Variants in UGT2A1 observed in about 807,000 individuals in gnomAD.
UGT2A1 encodes the protein UDP-glucuronosyltransferase 2A1.
Under a neutral mutation model 45.4 loss-of-function variants are expected in UGT2A1, and 61 were observed. The observed-to-expected ratio is 1.34, with a 90% CI of 1.09 to 1.66. UGT2A1 has a LOEUF of 1.66. UGT2A1 is among the 40% of genes most tolerant of loss of function. The pLI is 0.00. For missense variants in UGT2A1, 649 were observed against 574.3 expected, an observed-to-expected ratio of 1.13 and a Z score of -1.33; for synonymous variants, 229 against 196.2, an observed-to-expected ratio of 1.17 and a Z score of -1.40.
At position 69,623,386 on chromosome 4, in the gene UGT2A1, C is replaced by T. The variant is rs906612376; in HGVS notation, c.847+12305G>A. ...CAAGTAATTTTTGTGAGAATCATCT[C>T]GAAGTAACACCACAAAGGCAGTGGA... On this transcript the variant is annotated intron_variant, in intron 3 of 6. Coordinates refer to ENST00000286604, the MANE Select transcript of UGT2A1 (RefSeq NM_001252275.3). Among the ~76,000 whole-genome samples, 29 of 151,522 alleles carry T rather than the reference C, an allele frequency of 1.9e-4. 1 individual carries two copies. Among genetic ancestry groups the T allele is most frequent in the African/African-American group, 5.3e-4 (22 of 41,298 alleles).
At chr4:69,592,429 G>A (rs1288853441) in intron 6 of UGT2A1, among the ~76,000 whole-genome samples, 1 of 152,048 alleles carries the variant, frequency 6.6e-6, no homozygotes, top group African/African-American at 2.4e-5. Context: ...ATTGCATATA[G>A]TCCAAAGAAG....
intron 3 of UGT2A1, among the ~76,000 whole-genome samples, chr4:69,603,086 GAATA>G (rs1426476632): frequency 7.4e-6 from 1 of 134,698 alleles, no homozygotes; most frequent in Non-Finnish European, 1.6e-5. Flanking sequence ...AAAAATAAAT[GAATA>G]AATAAATAAA....
At chr4:69,614,590 C>A (rs1720262889) in intron 3 of UGT2A1, among the ~76,000 whole-genome samples, 1 of 151,856 alleles carries the variant, frequency 6.6e-6, no homozygotes, top group South Asian at 2.1e-4. Context: ...AGCTAGTAGC[C>A]ATAACAGCAT....
intron 3 of UGT2A1, among the ~76,000 whole-genome samples, chr4:69,613,121 G>A (rs1014494419): frequency 2.0e-5 from 3 of 151,732 alleles, no homozygotes; most frequent in Admixed American, 6.6e-5. Flanking sequence ...ACCTGCATAC[G>A]AAAAAATGTG....
In UGT2A1 at chr4:69,604,606, A is replaced by G. The variant is rs182477537; in HGVS notation, c.848-5212T>C. Among the ~76,000 whole-genome samples, 390 of 137,182 alleles carry G rather than the reference A, an allele frequency of 2.8e-3. 74 individuals are homozygous for G. Among genetic ancestry groups the G allele is most frequent in the Non-Finnish European group, 3.7e-3 (237 of 64,356 alleles). 90.0% of individuals were successfully genotyped at this position (137,182 alleles called of 152,430 possible). On this transcript the variant is annotated intron_variant, in intron 3 of 6. Transcript: ENST00000286604. ...AAACATAAATGGGCTAAATGCTCCA[A>G]TTAAAAGACACAGACTGGCAAATTG...
At position 69,589,236 on chromosome 4, in the gene UGT2A1, G is replaced by C. The variant is rs1718437003; in HGVS notation, c.*136C>G. The C allele has an allele frequency of 1.7e-6, 2 of 1,148,868 alleles. No individual in the cohort carries two copies. Among genetic ancestry groups the C allele is most frequent in the African/African-American group, 3.1e-5 (2 of 64,138 alleles). The allele number at this position is 1,148,868 out of a possible 1,614,324, so 71.2% of individuals were successfully genotyped here. The stretch of plus-strand genomic sequence containing the variant: ...AGGCTTTATCAGTAGGCTTATCGCA[G>C]GTAGAGAAATAGAAAATTTGGAAAC... On this transcript the variant is annotated 3_prime_UTR_variant, in exon 7 of 7. Transcript: ENST00000286604.
At chr4:69,639,047 T>C (rs771540067) in intron 2 of UGT2A1, 3 of 1,613,452 alleles carry the variant, frequency 1.9e-6, no homozygotes, top group South Asian at 2.2e-5. Context: ...CATAGGAGAC[T>C]GGTGCTGGGA....
intron 2 of UGT2A1, chr4:69,639,688 T>C (rs764721259): frequency 1.3e-6 from 2 of 1,486,236 alleles, no homozygotes; most frequent in East Asian, 4.7e-5. Flanking sequence ...AAAGTATATT[T>C]AGGTCAATTT....
At chr4:69,650,368 G>A (rs906715007) in intron 1 of UGT2A1, among the ~76,000 whole-genome samples, 1 of 151,980 alleles carries the variant, frequency 6.6e-6, no homozygotes, top group African/African-American at 2.4e-5. Flanking sequence ...ACATATCTGT[G>A]ACAAAAATCA....
chr4:69,592,862 A>G (rs2109876297), intron 6 of UGT2A1, among the ~76,000 whole-genome samples: 1 of 152,240 alleles, frequency 6.6e-6, no homozygotes, highest in Admixed American at 6.5e-5. Flanking sequence ...TCTTAGATTA[A>G]CATTGTTGTA....
intron 3 of UGT2A1, among the ~76,000 whole-genome samples, chr4:69,605,128 G>A (rs1298001049): frequency 1.5e-5 from 2 of 136,616 alleles, no homozygotes; most frequent in Non-Finnish European, 1.6e-5. Flanking sequence ...ATTCTTCTCA[G>A]CACCACACCG....
intron 3 of UGT2A1, among the ~76,000 whole-genome samples, chr4:69,610,070 G>C (rs572294044): frequency 1.3e-5 from 2 of 152,040 alleles, no homozygotes; most frequent in Non-Finnish European, 2.9e-5. Flanking sequence ...GTTTCCATTG[G>C]AAGAATCATG....
intron 3 of UGT2A1, among the ~76,000 whole-genome samples, chr4:69,615,302 G>C (rs1331799274): frequency 6.6e-6 from 1 of 151,982 alleles, no homozygotes; most frequent in Non-Finnish European, 1.5e-5. Context: ...CTAAGACAAT[G>C]TTCTGGGCAG....
chr4:69,601,311 G>C (rs1038979562), intron 3 of UGT2A1, among the ~76,000 whole-genome samples: 1 of 152,144 alleles, frequency 6.6e-6, no homozygotes, highest in Non-Finnish European at 1.5e-5. Flanking sequence ...CCAGCCTCGT[G>C]TTCTTGCTCC....
At chr4:69,630,470 T>C (rs1041135691) in intron 3 of UGT2A1, among the ~76,000 whole-genome samples, 1 of 152,122 alleles carries the variant, frequency 6.6e-6, no homozygotes, top group Non-Finnish European at 1.5e-5. Context: ...CTATTCCCTC[T>C]CCTTTTAACC....
chr4:69,595,008 A>G (rs2109881101), intron 5 of UGT2A1, among the ~76,000 whole-genome samples, 154 bp downstream of exon 5: 1 of 152,336 alleles, frequency 6.6e-6, no homozygotes, highest in South Asian at 2.1e-4. Flanking sequence ...AGTCTATAAA[A>G]TTAATGGCCA....
chr4:69,616,748 T>C (rs1034733587), intron 3 of UGT2A1, among the ~76,000 whole-genome samples: 2 of 151,602 alleles, frequency 1.3e-5, no homozygotes, highest in Admixed American at 6.6e-5. Flanking sequence ...CTATAAATCC[T>C]CCATTTAGTT....
At chr4:69,642,557 T>C (rs1288695343) in intron 2 of UGT2A1, among the ~76,000 whole-genome samples, 1 of 151,728 alleles carries the variant, frequency 6.6e-6, no homozygotes, top group African/African-American at 2.4e-5. Flanking sequence ...CATGGAAGGA[T>C]ATACACTTGA....
Position 69,603,329 on chromosome 4 carries a change from T to G in UGT2A1, c.848-3935A>C, listed in dbSNP as rs920803910. Among the ~76,000 whole-genome samples the G allele has an allele frequency of 2.2e-5, 3 of 136,484 alleles. 1 individual carries two copies. The highest frequency in any genetic ancestry group is 4.7e-5 in the Non-Finnish European group (3 of 64,206). 89.5% of individuals were successfully genotyped at this position (136,484 alleles called of 152,430 possible). On this transcript the variant is annotated intron_variant, in intron 3 of 6. Coordinates refer to ENST00000286604, the MANE Select transcript of UGT2A1 (RefSeq NM_001252275.3). ...AAACAAAACCACTTATGTAATGAAATTCATGAATGACAAAGATGCAGGCAT... is the reference window on the plus strand; with the variant it reads ...AAACAAAACCACTTATGTAATGAAAGTCATGAATGACAAAGATGCAGGCAT...
Sources: gnomAD v4.1 joint callset for allele counts (sites outside exome capture counted in the v4.1 genomes callset) on GRCh38, gnomAD v4.1.1 for gene constraint, MANE v1.5 for transcripts, NCBI Gene and HGNC (gene_info 2026-07-23, HGNC 2026-07-21) for gene names.